The following CSGALNACT1 variants were observed in gnomAD, a reference collection of about 807,000 sequenced individuals.
The protein encoded by CSGALNACT1 is chondroitin sulfate N-acetylgalactosaminyltransferase 1, also known as beta4GalNAcT-1.
In CSGALNACT1, 52 loss-of-function variants were observed where a neutral mutation model predicts 51.0. That is an observed-to-expected ratio of 1.02 (90% CI 0.82 to 1.29). The LOEUF (loss-of-function observed/expected upper bound fraction) is 1.29, where lower values mean the gene tolerates loss of function less well. CSGALNACT1 is among the 50% of genes most tolerant of loss of function. The pLI is 0.00. For synonymous variants in CSGALNACT1, 341 were observed against 254.4 expected (o/e 1.34, Z -3.24); for missense variants, 935 against 679.2 (o/e 1.38, Z -4.19).
chr8:19,555,442 C>A (rs1007476582), intron 3 of CSGALNACT1, among the ~76,000 whole-genome samples: 1 of 152,118 alleles, frequency 6.6e-6, no homozygotes, highest in Admixed American at 6.5e-5. Flanking sequence ...GAGAGGTCCA[C>A]TTTAAAGGGC....
At chr8:19,452,643 ATGAGCAAG>A (rs537739909) in intron 5 of CSGALNACT1, among the ~76,000 whole-genome samples, 9 of 152,188 alleles carry the variant, frequency 5.9e-5, no homozygotes, top group Non-Finnish European at 7.3e-5. Flanking sequence ...GCTGCTGAAG[ATGAGCAAG>A]TGAGCAAGTG....
chr8:19,540,803 A>T (rs1311016575), intron 3 of CSGALNACT1, among the ~76,000 whole-genome samples: 1 of 152,144 alleles, frequency 6.6e-6, no homozygotes, highest in Non-Finnish European at 1.5e-5. Context: ...CCACCGGATC[A>T]TCTTTCTCCC....
intron 1 of CSGALNACT1, among the ~76,000 whole-genome samples, chr8:19,730,161 C>T (rs2063612662): frequency 6.6e-6 from 1 of 152,166 alleles, no homozygotes; most frequent in African/African-American, 2.4e-5. Flanking sequence ...AAGCTCATTC[C>T]TTGAGAAATG....
intron 8 of CSGALNACT1, among the ~76,000 whole-genome samples, chr8:19,411,022 T>C (rs1375801434): frequency 6.6e-6 from 1 of 152,146 alleles, no homozygotes; most frequent in African/African-American, 2.4e-5. Context: ...TCGTCAGCCA[T>C]CTCATTTCTT....
chr8:19,698,873 A>G (rs2061715720), intron 1 of CSGALNACT1, among the ~76,000 whole-genome samples: 1 of 152,210 alleles, frequency 6.6e-6, no homozygotes, highest in Non-Finnish European at 1.5e-5. Context: ...CTCCCCACAG[A>G]TACCAAAATC....
At chr8:19,735,768 T>C (rs1162325448) in intron 1 of CSGALNACT1, among the ~76,000 whole-genome samples, 2 of 152,160 alleles carry the variant, frequency 1.3e-5, no homozygotes, top group African/African-American at 4.8e-5. Flanking sequence ...AGAAAAATTA[T>C]AATACATTCT....
chr8:19,543,328 T>C (rs769755534), intron 3 of CSGALNACT1, among the ~76,000 whole-genome samples: 2 of 152,202 alleles, frequency 1.3e-5, no homozygotes, highest in Non-Finnish European at 2.9e-5. Context: ...AGTGTTAACA[T>C]AGCACGCCTG....
intron 1 of CSGALNACT1, among the ~76,000 whole-genome samples, chr8:19,610,289 CAAAAAA>C (rs58262538): frequency 6.3e-5 from 3 of 47,654 alleles, no homozygotes; most frequent in Non-Finnish European, 1.2e-4. Context: ...GACTCCGTCT[CAAAAAA>C]AAAAAAAAAA....
At chr8:19,728,293 A>C (rs1343406351) in intron 1 of CSGALNACT1, among the ~76,000 whole-genome samples, 2 of 152,240 alleles carry the variant, frequency 1.3e-5, no homozygotes, top group Non-Finnish European at 2.9e-5. Flanking sequence ...ATTTTTCCAC[A>C]GCCACGGTTT....
chr8:19,687,340 T>C (rs1316855723), upstream of CSGALNACT1, among the ~76,000 whole-genome samples: 1 of 152,110 alleles, frequency 6.6e-6, no homozygotes, highest in African/African-American at 2.4e-5. Context: ...GTAATCAATG[T>C]CTCATCCTCT....
chr8:19,509,134 C>T (rs539497790), intron 3 of CSGALNACT1, among the ~76,000 whole-genome samples: 1 of 152,304 alleles, frequency 6.6e-6, no homozygotes, highest in Admixed American at 6.5e-5. Context: ...AACAAAATTC[C>T]ATTCTTTAAC....
chr8:19,547,036 C>T (rs1185607721), intron 3 of CSGALNACT1, among the ~76,000 whole-genome samples: 2 of 152,168 alleles, frequency 1.3e-5, no homozygotes, highest in African/African-American at 4.8e-5. Context: ...GAGAACTTAC[C>T]AGTGTCTCAC....
intron 1 of CSGALNACT1, among the ~76,000 whole-genome samples, chr8:19,672,707 T>C (rs2059885770): frequency 2.1e-5 from 1 of 47,228 alleles, no homozygotes; most frequent in African/African-American, 1.4e-4. Context: ...CATTCCGAAT[T>C]CCAACCATAG....
At chr8:19,485,489 T>C (rs1451945661) in intron 4 of CSGALNACT1, among the ~76,000 whole-genome samples, 1 of 152,118 alleles carries the variant, frequency 6.6e-6, no homozygotes, top group Non-Finnish European at 1.5e-5. Context: ...CATAATGGGA[T>C]AGGAGATAGG....
intron 1 of CSGALNACT1, among the ~76,000 whole-genome samples, chr8:19,664,594 T>C (rs1268131406): frequency 6.6e-6 from 1 of 152,042 alleles, no homozygotes; most frequent in East Asian, 1.9e-4. Flanking sequence ...TTCACCAACG[T>C]ATGCTTAAAG....
chr8:19,676,561 C>A (rs1422721269), intron 1 of CSGALNACT1, among the ~76,000 whole-genome samples: 2 of 152,134 alleles, frequency 1.3e-5, no homozygotes, highest in African/African-American at 4.8e-5. Flanking sequence ...ATAAATTCAG[C>A]CTCAGTAACT....
intron 8 of CSGALNACT1, 58 bp downstream of exon 7, chr8:19,418,598 T>A: frequency 8.9e-7 from 1 of 1,119,042 alleles, no homozygotes; most frequent in Non-Finnish European, 1.4e-6. Context: ...CAGGTACCCC[T>A]GGTAATGACA....
intron 1 of CSGALNACT1, among the ~76,000 whole-genome samples, chr8:19,736,660 T>C (rs945570539): frequency 1.3e-5 from 2 of 152,098 alleles, no homozygotes; most frequent in East Asian, 3.8e-4. Context: ...GTATTGGACA[T>C]GGTTAAAAAG....
chr8:19,467,149 T>C (rs1432272222), intron 4 of CSGALNACT1, among the ~76,000 whole-genome samples: 1 of 118,516 alleles, frequency 8.4e-6, no homozygotes, highest in Non-Finnish European at 1.6e-5. Flanking sequence ...AGACGGAGTC[T>C]CACTCTGTCA....
Sources: allele counts gnomAD v4.1 joint callset (sites outside exome capture counted in the v4.1 genomes callset), GRCh38; gene constraint gnomAD v4.1.1; transcripts MANE v1.5; gene names NCBI Gene and HGNC (gene_info 2026-07-23, HGNC 2026-07-21).